PACRG: variants seen among roughly 807,000 people sequenced by gnomAD.
PACRG encodes the protein parkin coregulated gene protein.
PACRG carries 29 observed loss-of-function variants against 29.7 expected under a neutral mutation model. The observed-to-expected ratio is 0.98, with a 90% CI of 0.73 to 1.33. PACRG has a LOEUF of 1.33. PACRG is among the 40% of genes most tolerant of loss of function. The pLI, the probability that PACRG is intolerant of heterozygous loss-of-function variation, is 0.00. For missense variants in PACRG, 279 were observed against 316.2 expected (o/e 0.88, Z 0.89); for synonymous variants, 116 against 118.7 (o/e 0.98, Z 0.15).
intron 4 of PACRG, chr6:163,310,763 A>G (rs1474085260): frequency 6.6e-6 from 1 of 152,236 alleles, no homozygotes; most frequent in Non-Finnish European, 1.5e-5. Flanking sequence ...ATCCTAGGTC[A>G]TCCAAGCCTC....
chr6:162,788,890 A>G (rs751018492), intron 1 of PACRG, among the ~76,000 whole-genome samples: 14 of 152,132 alleles, frequency 9.2e-5, no homozygotes, highest in Non-Finnish European at 1.9e-4. Context: ...TTGTTTTTAT[A>G]TTAGAATAAC....
At chr6:163,312,776 C>A in intron 4 of PACRG, 1 of 441,050 alleles carries the variant, frequency 2.3e-6, no homozygotes, top group Non-Finnish European at 4.5e-6. Context: ...GTTTTTGAGA[C>A]AGGGTCTTAC....
intron 2 of PACRG, among the ~76,000 whole-genome samples, chr6:162,815,962 T>C (rs752444656): frequency 1.3e-5 from 2 of 152,140 alleles, no homozygotes; most frequent in Non-Finnish European, 2.9e-5. Flanking sequence ...ATAAATTATA[T>C]AGATTTACTA....
intron 4 of PACRG, among the ~76,000 whole-genome samples, chr6:163,229,542 A>G (rs868818839): frequency 3.3e-5 from 5 of 152,238 alleles, no homozygotes; most frequent in Admixed American, 6.5e-5. Flanking sequence ...GGTTCCAAAG[A>G]CATTCAGCCA....
At chr6:162,935,690 T>C (rs973755158) in intron 2 of PACRG, among the ~76,000 whole-genome samples, 5 of 152,182 alleles carry the variant, frequency 3.3e-5, no homozygotes, top group African/African-American at 1.2e-4. Context: ...AGATTTTCTT[T>C]TCTTTTCACT....
At chr6:163,005,856 A>G (rs906611294) in intron 2 of PACRG, among the ~76,000 whole-genome samples, 3 of 146,954 alleles carry the variant, frequency 2.0e-5, no homozygotes, top group Non-Finnish European at 4.5e-5. Context: ...CGTGTTATAT[A>G]TATACAACAT....
chr6:163,064,899 TG>T (rs1263698089), intron 3 of PACRG, among the ~76,000 whole-genome samples: 1 of 151,894 alleles, frequency 6.6e-6, no homozygotes, highest in Non-Finnish European at 1.5e-5. Flanking sequence ...ATAAACTCAC[TG>T]TGAGGCAGTG....
At chr6:163,233,861 G>A (rs1782136029) in intron 4 of PACRG, among the ~76,000 whole-genome samples, 2 of 152,124 alleles carry the variant, frequency 1.3e-5, no homozygotes, top group South Asian at 4.1e-4. Context: ...AGGGAAGGAG[G>A]GAAATTGTAA....
intron 2 of PACRG, among the ~76,000 whole-genome samples, chr6:162,848,597 T>C (rs1366897780): frequency 6.6e-6 from 1 of 152,258 alleles, no homozygotes; most frequent in Non-Finnish European, 1.5e-5. Context: ...CCTTTATTCT[T>C]TCAAAGACTT....
intron 4 of PACRG, among the ~76,000 whole-genome samples, chr6:163,204,160 C>T (rs1780810628): frequency 6.6e-6 from 1 of 152,166 alleles, no homozygotes; most frequent in African/African-American, 2.4e-5. Flanking sequence ...TCATTTATAG[C>T]CATTCATGAA....
chr6:162,817,252 A>G (rs1162511406), intron 2 of PACRG, among the ~76,000 whole-genome samples: 2 of 152,176 alleles, frequency 1.3e-5, no homozygotes, highest in East Asian at 3.9e-4. Flanking sequence ...GTTCTGGATT[A>G]GCTGACCTGA....
intron 4 of PACRG, among the ~76,000 whole-genome samples, chr6:163,111,744 A>G (rs1201919276): frequency 6.6e-6 from 1 of 152,230 alleles, no homozygotes; most frequent in South Asian, 2.1e-4. Flanking sequence ...GTGAGATTTC[A>G]TGCTAAGCAT....
At chr6:163,136,090 T>G (rs189641050) in intron 4 of PACRG, among the ~76,000 whole-genome samples, 624 of 152,356 alleles carry the variant, frequency 4.1e-3, no homozygotes, top group Middle Eastern at 0.01. Flanking sequence ...AAAAATAAGA[T>G]TCTAAGTTTA....
At chr6:162,757,898 C>T (rs1038668075) in intron 1 of PACRG, among the ~76,000 whole-genome samples, 11 of 151,770 alleles carry the variant, frequency 7.2e-5, no homozygotes, top group Admixed American at 2.0e-4. Context: ...ACAAGAATGG[C>T]CCCCAAAAAT....
chr6:163,088,314 G>A (rs1813782164), intron 3 of PACRG, among the ~76,000 whole-genome samples: 1 of 152,138 alleles, frequency 6.6e-6, no homozygotes, highest in African/African-American at 2.4e-5. Context: ...ACTTCTTCTT[G>A]GAGTCATCTG....
At chr6:163,244,385 C>T (rs1282465480) in intron 4 of PACRG, among the ~76,000 whole-genome samples, 2 of 152,132 alleles carry the variant, frequency 1.3e-5, no homozygotes, top group African/African-American at 2.4e-5. Flanking sequence ...GGAGACCTAA[C>T]GTGTGCTAAA....
intron 1 of PACRG, among the ~76,000 whole-genome samples, chr6:162,773,664 G>A (rs7764057): frequency 1.5e-3 from 226 of 151,552 alleles, no homozygotes; most frequent in African/African-American, 4.8e-3. Flanking sequence ...ACAGGCGCCC[G>A]CCACCGCGCC....
Position 163,249,433 on chromosome 6 carries a change from C to T in PACRG, c.614-65394C>T, listed in dbSNP as rs76873299. On this transcript the variant is annotated intron_variant, in intron 4 of 4. Coordinates refer to ENST00000366888, the MANE Select transcript of PACRG (RefSeq NM_001080379.2). ...TTGATTTGTTTGGGGCCAAAATAGC[C>T]GGCTGGCAAGTGCATATCACCAGTA... Among the ~76,000 whole-genome samples the T allele has an allele frequency of 8.3e-3, 1,256 of 152,236 alleles. 13 individuals are homozygous for T. The highest frequency in any genetic ancestry group is 0.028 in the African/African-American group (1,143 of 41,522).
intron 4 of PACRG, among the ~76,000 whole-genome samples, chr6:163,253,094 C>T (rs1018368317): frequency 2.0e-5 from 3 of 150,852 alleles, no homozygotes; most frequent in Non-Finnish European, 4.4e-5. Context: ...GCCAGGAGGT[C>T]GAGACCAGCC....
Sources: allele counts gnomAD v4.1 joint callset (sites outside exome capture counted in the v4.1 genomes callset), GRCh38; gene constraint gnomAD v4.1.1; transcripts MANE v1.5; gene names NCBI Gene and HGNC (gene_info 2026-07-23, HGNC 2026-07-21).